RRM2B: variants seen among roughly 807,000 people sequenced by gnomAD.
RRM2B encodes ribonucleoside-diphosphate reductase subunit M2 B.
Under a neutral mutation model 45.9 loss-of-function variants are expected in RRM2B, and 20 were observed. The ratio of observed to expected loss-of-function variants is 0.44; its 90% CI spans 0.31 to 0.63. RRM2B has a LOEUF of 0.63. RRM2B is among the 30% of genes least tolerant of loss of function. The pLI is 0.09. For missense variants in RRM2B, 320 were observed against 414.7 expected, an observed-to-expected ratio of 0.77 and a Z score of 1.98; for synonymous variants, 124 against 132.3, an observed-to-expected ratio of 0.94 and a Z score of 0.43.
At chr8:102,237,350 G>A (rs1811138453) in intron 1 of RRM2B, among the ~76,000 whole-genome samples, 1 of 152,242 alleles carries the variant, frequency 6.6e-6, no homozygotes, top group South Asian at 2.1e-4. Context: ...TAAGACAGTG[G>A]GGGGTTTTTT....
chr8:102,238,841 G>T lies in RRM2B; in HGVS notation c.34C>A (p.Leu12Met). 5.0e-6 allele frequency: 8 copies of T among 1,613,454 alleles called. No individual in the cohort carries two copies. In the South Asian group the frequency reaches 8.8e-5, roughly 18 times the overall value. Residue 12 changes from leucine (L) to methionine (M), a missense_variant, in exon 1 of 9, where the codon CTG becomes ATG. Leu to Met is a conservative substitution (Grantham distance 15, BLOSUM62 2). This residue lies in a region of RRM2B where 48 missense variants were observed against 35.3 expected (regional missense o/e 1.36). Coordinates refer to ENST00000251810, the MANE Select transcript of RRM2B (RefSeq NM_015713.5). Reference protein sequence around the residue: ...GDPERPEAAGLDQDERSSSDT... With the variant: ...GDPERPEAAGMDQDERSSSDT... Reference sequence around the variant, plus strand: ...GCAACATTTACCTCATCCTGATCCAGCCCGGCCGCTTCCGGCCTTTCCGGG... The same window carrying T: ...GCAACATTTACCTCATCCTGATCCATCCCGGCCGCTTCCGGCCTTTCCGGG...
At position 102,224,902 on chromosome 8, in the gene RRM2B, G is replaced by A; in HGVS notation, c.438C>T (p.Ile146=). ...AACAATACCTTTTCTTGGGATCTCT[G>A]ATGTAAGTGTCTATCAGCAAACTGT... ...EMYSLLIDTY[I]RDPKKREFLF... The change falls in exon 4 of 9, where the codon ATC becomes ATT. Residue 146 remains isoleucine (I), a synonymous_variant. Transcript: ENST00000251810. The A allele has an allele frequency of 6.2e-7, 1 of 1,613,794 alleles. No homozygotes were observed. Among genetic ancestry groups the A allele is most frequent in the East Asian group, 2.2e-5 (1 of 44,874 alleles).
chr8:102,211,702 T>A (rs1810638643), intron 8 of RRM2B, among the ~76,000 whole-genome samples: 2 of 152,362 alleles, frequency 1.3e-5, no homozygotes, highest in South Asian at 4.1e-4. Context: ...TTTCTTTTAA[T>A]ATACATAGTT....
At chr8:102,213,567 C>T (rs1810671979) in intron 7 of RRM2B, among the ~76,000 whole-genome samples, 1 of 152,138 alleles carries the variant, frequency 6.6e-6, no homozygotes, top group South Asian at 2.1e-4. Flanking sequence ...CTAAGTAGCG[C>T]ATCTAGCTCT....
Position 102,218,869 on chromosome 8 carries a change from T to C in RRM2B, c.629A>G (p.Lys210Arg). Residue 210 changes from lysine to arginine, a missense_variant, in exon 6 of 9, where the codon AAG becomes AGG. Around this residue, in one of 3 missense-constraint regions of RRM2B, gnomAD observed 225 missense variants for 289.4 expected, o/e 0.78. Coordinates refer to ENST00000251810, the MANE Select transcript of RRM2B (RefSeq NM_015713.5). ...GSFAAIFWLKKRGLMPGLTFS... is the reference protein window; with the variant it reads ...GSFAAIFWLKRRGLMPGLTFS... Reference sequence around the variant, plus strand: ...AGTGAGTCCTGGCATAAGACCTCTCTTCTTTAGCCAGAATATAGCAGCAAA... The same window carrying C: ...AGTGAGTCCTGGCATAAGACCTCTCCTCTTTAGCCAGAATATAGCAGCAAA... The C allele has an allele frequency of 6.2e-7, 1 of 1,613,910 alleles. No individual in the cohort carries two copies. Among genetic ancestry groups the C allele is most frequent in the South Asian group, 1.1e-5 (1 of 91,078 alleles).
rs72554101 is a variant in RRM2B at position 102,208,030 on chromosome 8, C to T, written c.*103G>A. The T allele has an allele frequency of 2.2e-6, 2 of 902,034 alleles. No individual in the cohort carries two copies. The highest frequency in any genetic ancestry group is 2.5e-5 in the East Asian group (1 of 40,438). The allele number at this position is 902,034 out of a possible 1,614,324, so 55.9% of individuals were successfully genotyped here. On this transcript the variant is annotated 3_prime_UTR_variant, in exon 9 of 9. Coordinates refer to ENST00000251810, the MANE Select transcript of RRM2B (RefSeq NM_015713.5). ...GTTTTGGATTTCCTTTTGAGCAAAC[C>T]CCCAGTCCTTTAAAGGATATACTTA...
chr8:102,233,736 A>C (rs1419449750), intron 1 of RRM2B, among the ~76,000 whole-genome samples: 2 of 152,226 alleles, frequency 1.3e-5, no homozygotes, highest in African/African-American at 2.4e-5. Context: ...TGAAAGTAAA[A>C]TCCATTTTCA....
Position 102,204,576 on chromosome 8 carries a change from A to G in RRM2B, c.*3557T>C, listed in dbSNP as rs750983450. 1 of 152,234 alleles carries G rather than the reference A, an allele frequency of 6.6e-6. No individual in the cohort carries two copies. Among genetic ancestry groups the G allele is most frequent in the African/African-American group, 2.4e-5 (1 of 41,478 alleles). The allele number at this position is 152,234 out of a possible 1,614,324, so 9.4% of individuals were successfully genotyped here. On this transcript the variant is annotated 3_prime_UTR_variant, in exon 9 of 9. Transcript: ENST00000251810. ...ACCTTCCTCAAAAAGGAAATGTACA[A>G]AATGATGAAGATACCATAGTTTATT...
chr8:102,225,157 T>C (rs1170851097), intron 3 of RRM2B, 139 bp from the exon 4 acceptor site: 2 of 779,328 alleles, frequency 2.6e-6, no homozygotes, highest in Non-Finnish European at 4.4e-6. Context: ...TTATGGATTA[T>C]TTTAAGCAGT....
At position 102,208,130 on chromosome 8, in the gene RRM2B, T is replaced by G; in HGVS notation, c.*3A>C. On this transcript the variant is annotated 3_prime_UTR_variant, in exon 9 of 9. Coordinates refer to ENST00000251810, the MANE Select transcript of RRM2B (RefSeq NM_015713.5). ...TTTATAGAGTTTTAAAACGAGAGGTTTTTTAAAAATCTGCATCCAAGGTGA... is the reference window on the plus strand; with the variant it reads ...TTTATAGAGTTTTAAAACGAGAGGTGTTTTAAAAATCTGCATCCAAGGTGA... The G allele has an allele frequency of 6.2e-7, 1 of 1,611,522 alleles. No homozygotes were observed. Among genetic ancestry groups the G allele is most frequent in the African/African-American group, 1.3e-5 (1 of 74,944 alleles).
intron 6 of RRM2B, 71 bp downstream of exon 6, chr8:102,218,741 AAG>A: frequency 1.5e-6 from 2 of 1,326,164 alleles, no homozygotes; most frequent in Admixed American, 2.0e-5. Context: ...AAAAAAAAAA[AAG>A]ATGGAAAAGA....
chr8:102,213,906 A>G (rs539606769), intron 7 of RRM2B, 148 bp downstream of exon 7: 57 of 653,226 alleles, frequency 8.7e-5, no homozygotes, highest in Non-Finnish European at 1.4e-4. Context: ...AATAATTGTA[A>G]TATATCATGT....
rs556017231 is a variant in RRM2B, at chr8:102,221,553, A to G, written c.550+2493T>C. On this transcript the variant is annotated intron_variant, in intron 5 of 8. Coordinates refer to ENST00000251810, the MANE Select transcript of RRM2B (RefSeq NM_015713.5). The stretch of plus-strand genomic sequence containing the variant: ...TCCCAAAAAGGAGAGCCACCAATGC[A>G]CTCTTCACTCTTTCCTCTTTCCCTG... Among the ~76,000 whole-genome samples the G allele has an allele frequency of 2.0e-5, 3 of 151,962 alleles. 1 individual carries two copies. In the South Asian group the frequency reaches 6.3e-4, roughly 32 times the overall value.
intron 8 of RRM2B, among the ~76,000 whole-genome samples, chr8:102,212,562 TATTAGTTCTA>T (rs1387143223): frequency 2.6e-5 from 4 of 152,228 alleles, no homozygotes; most frequent in Admixed American, 6.5e-5. Flanking sequence ...TTATTGAGCT[TATTAGTTCTA>T]ATATTTTACC....
intron 6 of RRM2B, among the ~76,000 whole-genome samples, chr8:102,215,944 C>CAAAAAAAAAAAA (rs60059243): frequency 6.1e-4 from 46 of 75,666 alleles, no homozygotes; most frequent in African/African-American, 1.7e-3. Context: ...GACCCTGTCT[C>CAAAAAAAAAAAA]AAAAAAAAAA....
intron 1 of RRM2B, among the ~76,000 whole-genome samples, chr8:102,232,952 C>T (rs1478270889): frequency 1.3e-5 from 2 of 152,158 alleles, no homozygotes; most frequent in Admixed American, 6.5e-5. Flanking sequence ...AAGTGAGAAA[C>T]ACATACCTGT....
chr8:102,237,381 A>G (rs939009423), intron 1 of RRM2B, among the ~76,000 whole-genome samples: 1 of 152,214 alleles, frequency 6.6e-6, no homozygotes, highest in Non-Finnish European at 1.5e-5. Flanking sequence ...TAATATGTGT[A>G]CCAGGATCAC....
rs1301732381 is a variant in RRM2B at position 102,207,216 on chromosome 8, G to A, written c.*917C>T. On this transcript the variant is annotated 3_prime_UTR_variant, in exon 9 of 9. Coordinates refer to ENST00000251810, the MANE Select transcript of RRM2B (RefSeq NM_015713.5). ...TGTACTTGCTAAAGAAGAATGAAGT[G>A]TTCAGCATTTCCCAAACTCATCTGA... The A allele has an allele frequency of 6.6e-6, 1 of 152,172 alleles. No homozygotes were observed. 9.4% of individuals were successfully genotyped at this position (152,172 alleles called of 1,614,324 possible). A position where few individuals can be genotyped will look rare whatever the true frequency, so the allele number is the denominator to read the frequency against.
At chr8:102,211,554 A>G (rs1291441445) in intron 8 of RRM2B, among the ~76,000 whole-genome samples, 2 of 152,228 alleles carry the variant, frequency 1.3e-5, no homozygotes, top group South Asian at 2.1e-4. Context: ...GCAGTTTTCT[A>G]ATAAGCAGCA....
Sources: allele counts gnomAD v4.1 joint callset (sites outside exome capture counted in the v4.1 genomes callset), GRCh38; gene constraint gnomAD v4.1.1; regional missense constraint gnomAD v4.1.1; transcripts MANE v1.5; gene names NCBI Gene and HGNC (gene_info 2026-07-23, HGNC 2026-07-21).